The following ZC4H2 variants were observed in gnomAD, a reference collection of about 807,000 sequenced individuals.
ZC4H2 encodes zinc finger C4H2 domain-containing protein.
For missense variants in ZC4H2, 137 were observed against 173.9 expected (o/e 0.79, Z 1.19); for synonymous variants, 84 against 66.3 (o/e 1.27, Z -1.30).
At chrX:65,018,660 G>A (rs1356631648) in intron 1 of ZC4H2, among the ~76,000 whole-genome samples, 1 of 110,056 alleles carries the variant, frequency 9.1e-6, no homozygotes, top group East Asian at 2.9e-4. Context: ...TATCCCAGTG[G>A]CACCTGGAAT....
At chrX:64,958,360 T>C (rs1931241735) in intron 1 of ZC4H2, among the ~76,000 whole-genome samples, 1 of 111,736 alleles carries the variant, frequency 8.9e-6, no homozygotes, top group Admixed American at 9.5e-5. Flanking sequence ...TGAAACATCA[T>C]TATATGGCAC....
Position 64,921,992 on chromosome X carries a change from C to A in ZC4H2, c.54-4G>T. On this transcript the variant is annotated splice_region_variant and splice_polypyrimidine_tract_variant and intron_variant, in intron 1 of 4. Coordinates refer to ENST00000374839, the MANE Select transcript of ZC4H2 (RefSeq NM_018684.4). ...CTCCATCTGCAGGGTCTTGTTCCTG[C>A]AATTTGCAAAAAGCAGGAAACAGGC... 8.3e-7 allele frequency: 1 copy of A among 1,204,911 alleles called. No homozygotes were observed. Among genetic ancestry groups the A allele is most frequent in the Non-Finnish European group, 1.1e-6 (1 of 893,088 alleles).
At chrX:64,984,861 G>A (rs1030262250) in intron 1 of ZC4H2, among the ~76,000 whole-genome samples, 3 of 112,349 alleles carry the variant, frequency 2.7e-5, no homozygotes, top group African/African-American at 9.7e-5. Flanking sequence ...ACAGGCATGA[G>A]CAAGGGCAAC....
intron 1 of ZC4H2, among the ~76,000 whole-genome samples, chrX:65,013,491 T>G (rs1446816728): frequency 9.0e-6 from 1 of 111,190 alleles, no homozygotes; most frequent in Non-Finnish European, 1.9e-5. Flanking sequence ...GCTAGCAGAC[T>G]CTCTTTATTG....
intron 1 of ZC4H2, among the ~76,000 whole-genome samples, chrX:64,941,876 G>A (rs1167359352): frequency 8.9e-6 from 1 of 112,153 alleles, no homozygotes; most frequent in Non-Finnish European, 1.9e-5. Context: ...TCTCTGCCAG[G>A]ATTTGGTATC....
At position 64,928,218 on chromosome X, in the gene ZC4H2, A is replaced by G. The variant is rs137974438; in HGVS notation, c.54-6230T>C. ...TGCCCATGCCTATGTCCTGAATGGT[A>G]TTGCCTAGGTTTTCTTCTAGGAATT... On this transcript the variant is annotated intron_variant, in intron 1 of 4. Transcript: ENST00000374839. 5.3e-3 allele frequency among the ~76,000 whole-genome samples: 592 copies of G among 112,003 alleles called. 4 individuals are homozygous for G. The highest frequency in any genetic ancestry group is 6.0e-3 in the Non-Finnish European group (318 of 53,209).
chrX:64,927,281 C>T (rs1288141387), intron 1 of ZC4H2, among the ~76,000 whole-genome samples: 1 of 110,587 alleles, frequency 9.0e-6, no homozygotes, highest in Non-Finnish European at 1.9e-5. Flanking sequence ...TATCCCTACC[C>T]TAGCCCCCCA....
intron 1 of ZC4H2, among the ~76,000 whole-genome samples, chrX:64,989,720 G>T (rs1487790231): frequency 8.9e-5 from 10 of 112,119 alleles, no homozygotes; most frequent in Non-Finnish European, 1.7e-4. Flanking sequence ...ATTGTCAAAA[G>T]ATATGAAGAA....
At chrX:65,015,677 C>T (rs775108887) in intron 1 of ZC4H2, among the ~76,000 whole-genome samples, 1 of 112,353 alleles carries the variant, frequency 8.9e-6, no homozygotes, top group Non-Finnish European at 1.9e-5. Context: ...TGCATCTGCA[C>T]TTCCTATACA....
At chrX:65,004,644 T>C (rs1932619284) in intron 1 of ZC4H2, among the ~76,000 whole-genome samples, 1 of 112,048 alleles carries the variant, frequency 8.9e-6, no homozygotes. Flanking sequence ...GGGCAAAAGC[T>C]GGAAGTATTC....
chrX:64,919,439 C>T lies in ZC4H2; in HGVS notation c.399-235G>A, dbSNP rs1044064060. 1.9e-5 allele frequency: 7 copies of T among 364,630 alleles called. 1 individual carries two copies. The highest frequency in any genetic ancestry group is 1.3e-4 in the African/African-American group (5 of 38,541). The allele number at this position is 364,630 out of a possible 1,213,427, so 30.0% of individuals were successfully genotyped here. A position where few individuals can be genotyped will look rare whatever the true frequency, so the allele number is the denominator to read the frequency against. ...CCAAGAAGACCAAGAAATCTTAGGGCTAGCAAGATCCTTAAAGGGTATTCA... is the reference window on the plus strand; with the variant it reads ...CCAAGAAGACCAAGAAATCTTAGGGTTAGCAAGATCCTTAAAGGGTATTCA... On this transcript the variant is annotated intron_variant, in intron 3 of 4. Transcript: ENST00000374839.
intron 1 of ZC4H2, among the ~76,000 whole-genome samples, chrX:65,016,489 C>A (rs770072839): frequency 9.0e-6 from 1 of 111,676 alleles, no homozygotes; most frequent in African/African-American, 3.3e-5. Context: ...TTGTAGGATG[C>A]ACAAAAAAGA....
chrX:64,957,961 C>G (rs944155107), intron 1 of ZC4H2, among the ~76,000 whole-genome samples: 4 of 112,066 alleles, frequency 3.6e-5, no homozygotes, highest in African/African-American at 1.3e-4. Context: ...TCTCCCAACT[C>G]TACATCTTGT....
intron 1 of ZC4H2, among the ~76,000 whole-genome samples, chrX:64,948,708 G>A (rs1930655351): frequency 9.0e-6 from 1 of 111,433 alleles, no homozygotes; most frequent in Non-Finnish European, 1.9e-5. Context: ...AAATTCTGGA[G>A]AGTTACCATT....
chrX:64,939,212 C>T (rs759864685), intron 1 of ZC4H2, among the ~76,000 whole-genome samples: 2 of 111,519 alleles, frequency 1.8e-5, no homozygotes, highest in South Asian at 3.8e-4. Context: ...AATAAAATAC[C>T]TAGGAATACA....
chrX:65,010,864 C>T (rs1602453388), intron 1 of ZC4H2, among the ~76,000 whole-genome samples: 1 of 111,852 alleles, frequency 8.9e-6, no homozygotes, highest in Non-Finnish European at 1.9e-5. Context: ...AATATAAATA[C>T]AGAATTTATT....
intron 1 of ZC4H2, among the ~76,000 whole-genome samples, chrX:64,942,559 C>G (rs907726443): frequency 9.6e-6 from 1 of 104,269 alleles, no homozygotes. Context: ...TCAACTCCCA[C>G]TTATGAGTGA....
In ZC4H2 at chrX:64,916,098, A is replaced by G. The variant is rs1928906453; in HGVS notation, c.*1685T>C. ...GACAAAGCTGGCTCCAAATCCTGCA[A>G]TTTCCTCTTACTAGCTGTTTAACTC... On this transcript the variant is annotated 3_prime_UTR_variant, in exon 5 of 5. Transcript: ENST00000374839. 1 of 112,146 alleles carries G rather than the reference A, an allele frequency of 8.9e-6. No individual in the cohort carries two copies. The highest frequency in any genetic ancestry group is 3.7e-4 in the South Asian group (1 of 2,702). The allele number at this position is 112,146 out of a possible 1,213,427, so 9.2% of individuals were successfully genotyped here.
chrX:64,956,055 C>G (rs1315846456), intron 1 of ZC4H2, among the ~76,000 whole-genome samples: 2 of 111,782 alleles, frequency 1.8e-5, no homozygotes, highest in Non-Finnish European at 3.8e-5. Context: ...ATGATAGGCT[C>G]TATAGCAGAT....
Sources: allele counts gnomAD v4.1 joint callset (sites outside exome capture counted in the v4.1 genomes callset), GRCh38; gene constraint gnomAD v4.1.1; transcripts MANE v1.5; gene names NCBI Gene and HGNC (gene_info 2026-07-23, HGNC 2026-07-21).